Variants in RSPO2 observed in about 807,000 individuals in gnomAD.
RSPO2 encodes the protein R-spondin-2.
Under a neutral mutation model 30.9 loss-of-function variants are expected in RSPO2, and 14 were observed. The observed-to-expected ratio is 0.45, with a 90% CI of 0.30 to 0.71. The LOEUF (loss-of-function observed/expected upper bound fraction) is 0.71. Ranked by LOEUF, RSPO2 falls within the 30% of genes least tolerant of loss-of-function variation. The pLI, the probability that RSPO2 is intolerant of heterozygous loss-of-function variation, is 0.08. For synonymous variants in RSPO2, 107 were observed against 96.4 expected (o/e 1.11, Z -0.64); for missense variants, 264 against 301.9 (o/e 0.87, Z 0.93).
At chr8:107,993,389 T>C (rs1383420953) in intron 2 of RSPO2, among the ~76,000 whole-genome samples, 1 of 152,100 alleles carries the variant, frequency 6.6e-6, no homozygotes, top group Non-Finnish European at 1.5e-5. Context: ...TACTCAGTAA[T>C]AAAAAGGATA....
chr8:108,047,703 TA>T (rs1403321127), intron 2 of RSPO2, among the ~76,000 whole-genome samples: 3 of 151,808 alleles, frequency 2.0e-5, no homozygotes, highest in Non-Finnish European at 4.4e-5. Flanking sequence ...TCAAAAACAT[TA>T]GCCAGACATG....
At position 107,908,880 on chromosome 8, in the gene RSPO2, A is replaced by C. The variant is rs990535138; in HGVS notation, c.617-7690T>G. On this transcript the variant is annotated intron_variant, in intron 5 of 5. Coordinates refer to ENST00000276659, the MANE Select transcript of RSPO2 (RefSeq NM_178565.5). ...CTTATGGGAAAGTTAAACTACCTGCAAATAACAGGTTCTTATCTTGGATTC... is the reference window on the plus strand; with the variant it reads ...CTTATGGGAAAGTTAAACTACCTGCCAATAACAGGTTCTTATCTTGGATTC... 2.6e-5 allele frequency among the ~76,000 whole-genome samples: 4 copies of C among 152,220 alleles called. No homozygotes were observed. In the East Asian group the frequency reaches 7.7e-4, roughly 29 times the overall value.
At chr8:107,907,666 T>G (rs778809332) in intron 5 of RSPO2, among the ~76,000 whole-genome samples, 12 of 152,108 alleles carry the variant, frequency 7.9e-5, no homozygotes, top group African/African-American at 1.4e-4. Flanking sequence ...CAAAATTTAC[T>G]TCTCTCAACA....
chr8:108,053,553 C>T (rs959363176), intron 2 of RSPO2, among the ~76,000 whole-genome samples: 3 of 152,108 alleles, frequency 2.0e-5, no homozygotes, highest in Non-Finnish European at 4.4e-5. Flanking sequence ...TAAAAGCAGA[C>T]ATTACTTCTC....
At chr8:108,048,278 C>G (rs1005795534) in intron 2 of RSPO2, among the ~76,000 whole-genome samples, 1 of 151,812 alleles carries the variant, frequency 6.6e-6, no homozygotes, top group Non-Finnish European at 1.5e-5. Flanking sequence ...AAAGCCAACT[C>G]CAGAACACTG....
In RSPO2 at chr8:108,073,264, T is replaced by C. The variant is rs1185335211; in HGVS notation, c.94+9281A>G. ...AGAGCAGGTTTCGCCCCTGAACCAA[T>C]AGGGCAAAGCAAAGGAAGCACAAAT... is the stretch of plus-strand genomic sequence containing the variant. On this transcript the variant is annotated intron_variant, in intron 2 of 5. Transcript: ENST00000276659. Among the ~76,000 whole-genome samples the C allele has an allele frequency of 3.9e-5, 6 of 152,280 alleles. No homozygotes were observed. The East Asian group carries it at 5.8e-4, about 15-fold the overall frequency.
intron 3 of RSPO2, among the ~76,000 whole-genome samples, chr8:107,970,276 A>G (rs570659038): frequency 6.6e-6 from 1 of 152,316 alleles, no homozygotes; most frequent in East Asian, 1.9e-4. Flanking sequence ...TTCGTGTGTC[A>G]CAAAATATTG....
chr8:108,049,834 T>C (rs1037545310), intron 2 of RSPO2, among the ~76,000 whole-genome samples: 11 of 152,172 alleles, frequency 7.2e-5, no homozygotes, highest in African/African-American at 2.4e-4. Flanking sequence ...TCCAAGTCTT[T>C]GCTATTGTAA....
At chr8:108,074,504 C>T (rs926257129) in intron 2 of RSPO2, among the ~76,000 whole-genome samples, 12 of 151,968 alleles carry the variant, frequency 7.9e-5, no homozygotes, top group African/African-American at 2.7e-4. Flanking sequence ...TAAAAATTAC[C>T]AATGCAAGTA....
At chr8:107,937,177 G>A (rs1489082905) in intron 5 of RSPO2, among the ~76,000 whole-genome samples, 5 of 150,026 alleles carry the variant, frequency 3.3e-5, no homozygotes, top group Non-Finnish European at 3.0e-5. Context: ...TTTATATGGG[G>A]AGAGACAAGG....
intron 2 of RSPO2, among the ~76,000 whole-genome samples, chr8:108,023,517 A>C (rs1811115677): frequency 6.6e-6 from 1 of 152,264 alleles, no homozygotes; most frequent in African/African-American, 2.4e-5. Flanking sequence ...TTAAGAAGCC[A>C]GCAGAATGTG....
At chr8:107,973,201 CAG>C (rs1814062765) in intron 3 of RSPO2, among the ~76,000 whole-genome samples, 1 of 151,042 alleles carries the variant, frequency 6.6e-6, no homozygotes, top group African/African-American at 2.4e-5. Context: ...ACCCGGGAGG[CAG>C]AGTTTGCAGT....
At chr8:107,993,993 G>C (rs1814932860) in intron 2 of RSPO2, among the ~76,000 whole-genome samples, 2 of 152,018 alleles carry the variant, frequency 1.3e-5, no homozygotes, top group Admixed American at 1.3e-4. Context: ...CAAAGACCCT[G>C]TTTCCAAAAA....
At chr8:108,063,910 G>C (rs200408071) in intron 2 of RSPO2, among the ~76,000 whole-genome samples, 2 of 152,114 alleles carry the variant, frequency 1.3e-5, no homozygotes, top group Non-Finnish European at 2.9e-5. Flanking sequence ...ATAAACCTGA[G>C]AAAAACAAGC....
chr8:108,047,605 T>C (rs1811943740), intron 2 of RSPO2, among the ~76,000 whole-genome samples: 1 of 152,100 alleles, frequency 6.6e-6, no homozygotes, highest in Non-Finnish European at 1.5e-5. Flanking sequence ...CCCAGCACTT[T>C]TGGAGGCCAA....
intron 2 of RSPO2, among the ~76,000 whole-genome samples, chr8:108,078,542 G>T (rs1027253597): frequency 6.6e-6 from 1 of 151,940 alleles, no homozygotes; most frequent in South Asian, 2.1e-4. Context: ...AAAAAAATTC[G>T]AATCTTTTCA....
At chr8:108,027,574 T>A (rs7831257) in intron 2 of RSPO2, among the ~76,000 whole-genome samples, 26,003 of 149,518 alleles carry the variant, frequency 0.17, 2,889 homozygotes, top group Middle Eastern at 0.28. Context: ...AGTATTTATA[T>A]TTTTTTTAAA....
rs537904925 is a variant in RSPO2, at chr8:107,955,808, G to T, written c.616+2272C>A. On this transcript the variant is annotated intron_variant, in intron 5 of 5. Transcript: ENST00000276659. ...CTGCTTTAGTGTGAAGGAGCTTAAG[G>T]CTGCGTTTGTGTGCAATCAGGTTAA... Among the ~76,000 whole-genome samples the T allele has an allele frequency of 5.5e-4, 83 of 152,250 alleles. 1 individual carries two copies. The South Asian group carries it at 7.7e-3, about 14-fold the overall frequency.
At chr8:108,004,735 T>C (rs1815393877) in intron 2 of RSPO2, among the ~76,000 whole-genome samples, 1 of 152,220 alleles carries the variant, frequency 6.6e-6, no homozygotes, top group African/African-American at 2.4e-5. Flanking sequence ...AATATATGTG[T>C]GTATACAAAT....
Sources: allele counts gnomAD v4.1 joint callset (sites outside exome capture counted in the v4.1 genomes callset), GRCh38; gene constraint gnomAD v4.1.1; transcripts MANE v1.5; gene names NCBI Gene and HGNC (gene_info 2026-07-23, HGNC 2026-07-21).